The following SUGCT variants were observed in gnomAD, a reference collection of about 807,000 sequenced individuals.
SUGCT encodes succinyl-CoA:glutarate CoA-transferase.
SUGCT carries 41 observed loss-of-function variants against 55.0 expected under a neutral mutation model. The ratio of observed to expected loss-of-function variants is 0.74; its 90% CI spans 0.58 to 0.97. The LOEUF is 0.97. Among genes scored for constraint, SUGCT ranks in the 50% least tolerant of loss-of-function variants. SUGCT has a pLI of 0.00. For missense variants in SUGCT, 568 were observed against 547.8 expected (o/e 1.04, Z -0.37); for synonymous variants, 187 against 200.4 (o/e 0.93, Z 0.56).
the SUGCT span, among the ~76,000 whole-genome samples, chr7:40,974,007 A>G: frequency 2.6e-5 from 4 of 152,200 alleles, no homozygotes; most frequent in African/African-American, 4.8e-5. Context: ...TGGATTACCT[A>G]TGGTATTTGC....
At chr7:40,910,255 C>T in the SUGCT span, among the ~76,000 whole-genome samples, 43 of 151,746 alleles carry the variant, frequency 2.8e-4, no homozygotes, top group Non-Finnish European at 4.4e-4. Context: ...AAGCTGGAGA[C>T]GGAAGACTAA....
chr7:40,558,188 G>C (rs967568782), intron 12 of SUGCT, among the ~76,000 whole-genome samples: 4 of 151,974 alleles, frequency 2.6e-5, no homozygotes, highest in African/African-American at 9.7e-5. Context: ...AAATGGTGCA[G>C]CCTCTGTGAA....
intron 12 of SUGCT, chr7:40,539,034 G>C (rs908508102): frequency 6.6e-6 from 1 of 150,750 alleles, no homozygotes; most frequent in Non-Finnish European, 1.5e-5. Context: ...AGCTGAGATC[G>C]TGCCACTACA....
the SUGCT span, among the ~76,000 whole-genome samples, chr7:40,992,660 T>G: frequency 6.6e-6 from 1 of 152,026 alleles, no homozygotes; most frequent in South Asian, 2.1e-4. Context: ...ATAGGAGGTA[T>G]GTATGAAGTA....
chr7:40,405,609 A>G lies in SUGCT; in HGVS notation c.817-43678A>G, dbSNP rs553539017. On this transcript the variant is annotated intron_variant, in intron 9 of 13. Coordinates refer to ENST00000335693, the MANE Select transcript of SUGCT (RefSeq NM_001193313.2). Reference sequence around the variant, plus strand: ...TGGATCACTTGAGGCCAGGTGTTCAAGACCAGCCTGGCCAACATGGCAAAA... The same window carrying G: ...TGGATCACTTGAGGCCAGGTGTTCAGGACCAGCCTGGCCAACATGGCAAAA... Among the ~76,000 whole-genome samples, 10 of 152,226 alleles carry G rather than the reference A, an allele frequency of 6.6e-5. No individual in the cohort carries two copies. The East Asian group carries it at 1.5e-3, about 24-fold the overall frequency.
At chr7:40,711,605 A>C (rs1339371549) in intron 12 of SUGCT, among the ~76,000 whole-genome samples, 2 of 152,014 alleles carry the variant, frequency 1.3e-5, no homozygotes, top group African/African-American at 4.8e-5. Context: ...TGCCATACCC[A>C]TTTCTCTTTC....
At chr7:40,911,880 A>C in the SUGCT span, among the ~76,000 whole-genome samples, 2 of 152,086 alleles carry the variant, frequency 1.3e-5, no homozygotes, top group African/African-American at 4.8e-5. Flanking sequence ...CTCATGCAGG[A>C]GGGAGGGCAT....
At chr7:40,369,668 C>T (rs1455706746) in intron 9 of SUGCT, among the ~76,000 whole-genome samples, 2 of 152,100 alleles carry the variant, frequency 1.3e-5, no homozygotes, top group Non-Finnish European at 2.9e-5. Flanking sequence ...AAGGTTGAAT[C>T]CAATCTGGAT....
Position 40,797,092 on chromosome 7 carries a change from T to C in SUGCT, c.1153+47595T>C, listed in dbSNP as rs548671465. Among the ~76,000 whole-genome samples the C allele has an allele frequency of 2.0e-4, 30 of 152,302 alleles. No individual in the cohort carries two copies. In the South Asian group the frequency reaches 6.2e-3, roughly 32 times the overall value. On this transcript the variant is annotated intron_variant, in intron 13 of 13. Coordinates refer to ENST00000335693, the MANE Select transcript of SUGCT (RefSeq NM_001193313.2). ...AGTTTCCTCAGTCTACAGCATGCAT[T>C]GCATACTGAGGGGCTCAGTAAGTCT... is the stretch of plus-strand genomic sequence containing the variant.
intron 8 of SUGCT, among the ~76,000 whole-genome samples, chr7:40,290,240 A>T (rs904022354): frequency 2.0e-5 from 3 of 152,226 alleles, no homozygotes; most frequent in African/African-American, 7.2e-5. Context: ...GCAGCATGCT[A>T]CCTGACTTCA....
intron 13 of SUGCT, among the ~76,000 whole-genome samples, chr7:40,796,346 T>C (rs1921746): frequency 0.31 from 47,516 of 152,076 alleles, 7,875 homozygotes; most frequent in East Asian, 0.44. Flanking sequence ...AGAGAACTTC[T>C]GACTGAAAGC....
intron 10 of SUGCT, among the ~76,000 whole-genome samples, chr7:40,455,563 A>T (rs1204514993): frequency 6.6e-6 from 1 of 152,220 alleles, no homozygotes; most frequent in African/African-American, 2.4e-5. Flanking sequence ...TATATTAATT[A>T]TGGACCAGTT....
At chr7:40,359,889 G>A (rs903014728) in intron 9 of SUGCT, among the ~76,000 whole-genome samples, 6 of 152,158 alleles carry the variant, frequency 3.9e-5, no homozygotes, top group African/African-American at 9.7e-5. Flanking sequence ...CTAGATGACT[G>A]TTGTCTCTGC....
intron 12 of SUGCT, among the ~76,000 whole-genome samples, chr7:40,659,729 G>T (rs1156901332): frequency 4.6e-5 from 7 of 152,160 alleles, no homozygotes; most frequent in African/African-American, 2.4e-5. Context: ...CACCCTTCTT[G>T]CATGCAGTCC....
the SUGCT span, among the ~76,000 whole-genome samples, chr7:40,949,538 T>C: frequency 6.6e-6 from 1 of 152,248 alleles, no homozygotes; most frequent in Non-Finnish European, 1.5e-5. Flanking sequence ...CCCATGCTTA[T>C]GTCCTAAATG....
intron 8 of SUGCT, among the ~76,000 whole-genome samples, chr7:40,315,296 C>T (rs1355946554): frequency 6.6e-6 from 1 of 152,196 alleles, no homozygotes; most frequent in Non-Finnish European, 1.5e-5. Flanking sequence ...GGCATTTTTG[C>T]TACAAAATGT....
At chr7:40,809,160 TCAG>T in intron 13 of SUGCT, among the ~76,000 whole-genome samples, 1 of 152,188 alleles carries the variant, frequency 6.6e-6, no homozygotes, top group Non-Finnish European at 1.5e-5. Context: ...CAGCAGAGCC[TCAG>T]TTTTCTCTTA....
At chr7:40,610,582 T>C (rs982483469) in intron 12 of SUGCT, among the ~76,000 whole-genome samples, 2 of 152,206 alleles carry the variant, frequency 1.3e-5, no homozygotes, top group Non-Finnish European at 2.9e-5. Context: ...AGTTCTCAAA[T>C]GATTCAGACA....
chr7:40,860,247 G>A, intron 13 of SUGCT, 69 bp from the exon 14 acceptor site: 1 of 1,595,044 alleles, frequency 6.3e-7, no homozygotes, highest in Non-Finnish European at 8.6e-7. Flanking sequence ...AACACCCCAG[G>A]CTGCTTAGGT....
Sources: allele counts gnomAD v4.1 joint callset (sites outside exome capture counted in the v4.1 genomes callset), GRCh38; gene constraint gnomAD v4.1.1; transcripts MANE v1.5; gene names NCBI Gene and HGNC (gene_info 2026-07-23, HGNC 2026-07-21).